Variants in ZNF382 observed in about 807,000 individuals in gnomAD.
ZNF382 encodes KRAB/zinc finger suppressor protein 1.
ZNF382 carries 20 observed loss-of-function variants against 38.8 expected under a neutral mutation model. The ratio of observed to expected loss-of-function variants is 0.51; its 90% CI spans 0.36 to 0.75. The LOEUF (loss-of-function observed/expected upper bound fraction) is 0.75, where lower values mean the gene tolerates loss of function less well. ZNF382 is among the 30% of genes least tolerant of loss of function. ZNF382 has a pLI of 0.00. For synonymous variants in ZNF382, 202 were observed against 223.1 expected, an observed-to-expected ratio of 0.91 and a Z score of 0.84; for missense variants, 546 against 654.1, an observed-to-expected ratio of 0.83 and a Z score of 1.80.
Position 36,626,136 on chromosome 19 carries a change from A to T in ZNF382, c.239A>T (p.Asp80Val), listed in dbSNP as rs757400244. The T allele has an allele frequency of 1.0e-5, 16 of 1,537,708 alleles. No individual in the cohort carries two copies. In the South Asian group the frequency reaches 2.0e-4, roughly 19 times the overall value. Residue 80 changes from aspartate (D) to valine (V), a missense_variant, in exon 5 of 5, where the codon GAT becomes GTT. Physicochemically the swap from Asp to Val is radical, Grantham distance 152. Transcript: ENST00000292928. The stretch of plus-strand genomic sequence containing the variant: ...TAATGGTATTCTTTTCTAGAAGAAG[A>T]TGGGAAAACTGAAGATGTCTTAGTG... ...IFPSYSYLEE[D>V]GKTEDVLVKF...
At chr19:36,612,873 C>A (rs1040528843) in intron 4 of ZNF382, among the ~76,000 whole-genome samples, 8 of 152,184 alleles carry the variant, frequency 5.3e-5, no homozygotes, top group Non-Finnish European at 1.2e-4. Flanking sequence ...CTCACTGCAA[C>A]CTATGCCTCC....
In ZNF382 at chr19:36,612,060, T is replaced by C. The variant is rs140276063; in HGVS notation, c.232+1318T>C. Reference sequence around the variant, plus strand: ...GTAAAGTGTAAAGTTCTTTGAATTCTGACAGAAGGATAAACCCACGTATCT... The same window carrying C: ...GTAAAGTGTAAAGTTCTTTGAATTCCGACAGAAGGATAAACCCACGTATCT... On this transcript the variant is annotated intron_variant, in intron 4 of 4. Coordinates refer to ENST00000292928, the MANE Select transcript of ZNF382 (RefSeq NM_032825.5). 4.5e-3 allele frequency among the ~76,000 whole-genome samples: 693 copies of C among 152,336 alleles called. 7 individuals carry two copies. The highest frequency in any genetic ancestry group is 0.017 in the Middle Eastern group (5 of 294).
Position 36,607,631 on chromosome 19 carries a change from A to T in ZNF382, c.-14+9A>T, listed in dbSNP as rs1030439306. On this transcript the variant is annotated intron_variant, in intron 2 of 4. Transcript: ENST00000292928. ...TCAAAGCCATGTCTCAGGTGAGATG[A>T]TGTTTCCTCTCTTTCTGAAATAACT... The T allele has an allele frequency of 2.8e-5, 43 of 1,520,852 alleles. No individual in the cohort carries two copies. In the African/African-American group the frequency reaches 5.9e-4, roughly 21 times the overall value. The allele number at this position is 1,520,852 out of a possible 1,614,324, so 94.2% of individuals were successfully genotyped here.
At chr19:36,612,771 T>C (rs951641496) in intron 4 of ZNF382, among the ~76,000 whole-genome samples, 2 of 152,006 alleles carry the variant, frequency 1.3e-5, no homozygotes, top group South Asian at 2.1e-4. Context: ...TCAAGTGTTT[T>C]GTTTGTTTCT....
chr19:36,609,815 CAT>C lies in ZNF382; in HGVS notation c.-13-85_-13-84del, dbSNP rs2037062793. 6 of 1,257,370 alleles carry C rather than the reference CAT, an allele frequency of 4.8e-6. No individual in the cohort carries two copies. The South Asian group carries it at 7.0e-5, about 15-fold the overall frequency. The allele number at this position is 1,257,370 out of a possible 1,614,324, so 77.9% of individuals were successfully genotyped here. A position where few individuals can be genotyped will look rare whatever the true frequency, so the allele number is the denominator to read the frequency against. ...AGAGAGAATTTTATGCAATATAAAACATAAATAAGGAAACTAGTCTGACCAGT... is the reference window on the plus strand; with the variant it reads ...AGAGAGAATTTTATGCAATATAAAACAAATAAGGAAACTAGTCTGACCAGT... On this transcript the variant is annotated intron_variant, in intron 2 of 4. Transcript: ENST00000292928.
At chr19:36,607,151 TG>T (rs1294132436) in intron 1 of ZNF382, among the ~76,000 whole-genome samples, 1 of 151,798 alleles carries the variant, frequency 6.6e-6, no homozygotes, top group Non-Finnish European at 1.5e-5. Context: ...AGTTGTCAAC[TG>T]TCTTCATCAG....
In ZNF382 at chr19:36,629,550, T is replaced by C. The variant is rs1422566065; in HGVS notation, c.*2000T>C. ...CAGGCTTTTTAACTACAAACAGTTT[T>C]ATTTTTTATTTAATAAAAAAGTTTT... On this transcript the variant is annotated 3_prime_UTR_variant, in exon 5 of 5. Coordinates refer to ENST00000292928, the MANE Select transcript of ZNF382 (RefSeq NM_032825.5). 1 of 152,254 alleles carries C rather than the reference T, an allele frequency of 6.6e-6. No homozygotes were observed. Among genetic ancestry groups the C allele is most frequent in the African/African-American group, 2.4e-5 (1 of 41,478 alleles). The allele number at this position is 152,254 out of a possible 1,614,324, so 9.4% of individuals were successfully genotyped here.
intron 4 of ZNF382, among the ~76,000 whole-genome samples, chr19:36,625,055 G>A (rs1470706472): frequency 8.0e-6 from 1 of 125,346 alleles, no homozygotes; most frequent in African/African-American, 2.9e-5. Context: ...GGGACAGAGC[G>A]AGACCCTTTC....
intron 4 of ZNF382, among the ~76,000 whole-genome samples, chr19:36,617,762 T>C (rs2037136761): frequency 1.3e-5 from 2 of 152,068 alleles, no homozygotes; most frequent in Admixed American, 6.5e-5. Flanking sequence ...GGATTCCTAC[T>C]GAAAGCAGGT....
intron 4 of ZNF382, 132 bp from the exon 5 acceptor site, chr19:36,625,998 C>T: frequency 1.8e-6 from 1 of 553,980 alleles, no homozygotes; most frequent in East Asian, 3.4e-5. Context: ...ATTTTCCCTA[C>T]CAAGAGGTAA....
rs932738776 is a variant in ZNF382, at chr19:36,628,620, C to A, written c.*1070C>A. 3 of 152,602 alleles carry A rather than the reference C, an allele frequency of 2.0e-5. No homozygotes were observed. The highest frequency in any genetic ancestry group is 2.4e-5 in the African/African-American group (1 of 41,438). 9.5% of individuals were successfully genotyped at this position (152,602 alleles called of 1,614,324 possible). A position where few individuals can be genotyped will look rare whatever the true frequency, so the allele number is the denominator to read the frequency against. ...CCACAGTAAATGCCTTATTTGAACTCAAAAAGTCTACTAGAGGAGAGGCAT... is the reference window on the plus strand; with the variant it reads ...CCACAGTAAATGCCTTATTTGAACTAAAAAAGTCTACTAGAGGAGAGGCAT... On this transcript the variant is annotated 3_prime_UTR_variant, in exon 5 of 5. Transcript: ENST00000292928.
intron 1 of ZNF382, 106 bp from the exon 2 acceptor site, chr19:36,607,446 A>C (rs2037043722): frequency 2.9e-6 from 2 of 683,240 alleles, no homozygotes; most frequent in Non-Finnish European, 5.0e-6. Flanking sequence ...AGGGTGGACA[A>C]GTGCTGAAAT....
At chr19:36,621,548 G>A (rs2037170707) in intron 4 of ZNF382, among the ~76,000 whole-genome samples, 2 of 150,886 alleles carry the variant, frequency 1.3e-5, no homozygotes, top group Non-Finnish European at 2.9e-5. Flanking sequence ...CGAATTCATG[G>A]CTTCCACATC....
chr19:36,622,946 A>G (rs542501547), intron 4 of ZNF382, among the ~76,000 whole-genome samples: 1 of 152,266 alleles, frequency 6.6e-6, no homozygotes, highest in African/African-American at 2.4e-5. Context: ...TCTGTTTTTT[A>G]TGCATTCCAT....
In ZNF382 at chr19:36,626,121, C is replaced by A. The variant is rs1472299049; in HGVS notation, c.233-9C>A. On this transcript the variant is annotated splice_polypyrimidine_tract_variant and intron_variant, in intron 4 of 4. Transcript: ENST00000292928. ...GAAGACTCACAGTGTTAATGGTATTCTTTTCTAGAAGAAGATGGGAAAACT... is the reference window on the plus strand; with the variant it reads ...GAAGACTCACAGTGTTAATGGTATTATTTTCTAGAAGAAGATGGGAAAACT... The A allele has an allele frequency of 1.3e-5, 20 of 1,528,784 alleles. No individual in the cohort carries two copies. Among genetic ancestry groups the A allele is most frequent in the Non-Finnish European group, 1.7e-5 (20 of 1,144,616 alleles). 94.7% of individuals were successfully genotyped at this position (1,528,784 alleles called of 1,614,324 possible).
chr19:36,605,858 CT>C, intron 1 of ZNF382: 1 of 152,716 alleles, frequency 6.5e-6, no homozygotes, highest in Non-Finnish European at 1.5e-5. Context: ...TTGAGACTGC[CT>C]TTGAGTGTGG....
Position 36,631,070 on chromosome 19 carries a change from C to A in ZNF382, c.*3520C>A, listed in dbSNP as rs3108606. ...AAAATGCTGGGGTTACAGGTGTGAG[C>A]CACTTCACTCACTTTAGAGATTTTC... is the stretch of plus-strand genomic sequence containing the variant. On this transcript the variant is annotated 3_prime_UTR_variant, in exon 5 of 5. Transcript: ENST00000292928. 20 of 152,226 alleles carry A rather than the reference C, an allele frequency of 1.3e-4. No individual in the cohort carries two copies. Among genetic ancestry groups the A allele is most frequent in the African/African-American group, 4.6e-4 (19 of 41,544 alleles). The allele number at this position is 152,226 out of a possible 1,614,324, so 9.4% of individuals were successfully genotyped here.
In ZNF382 at chr19:36,626,231, G is replaced by A. The variant is rs1198004097; in HGVS notation, c.334G>A (p.Glu112Lys). ...CATCAACCACAAAAAACTAATTAAG[G>A]AGAGAAGTAATATTTATGGTAAAAC... is the stretch of plus-strand genomic sequence containing the variant. ...IFINHKKLIK[E>K]RSNIYGKTFT... Residue 112 changes from glutamate (E) to lysine (K), a missense_variant, in exon 5 of 5, where the codon GAG becomes AAG. Coordinates refer to ENST00000292928, the MANE Select transcript of ZNF382 (RefSeq NM_032825.5). 4 of 1,606,746 alleles carry A rather than the reference G, an allele frequency of 2.5e-6. No homozygotes were observed. The Admixed American group carries it at 5.2e-5, about 21-fold the overall frequency.
At position 36,626,001 on chromosome 19, in the gene ZNF382, A is replaced by C. The variant is rs529743623; in HGVS notation, c.233-129A>C. On this transcript the variant is annotated intron_variant, in intron 4 of 4. Transcript: ENST00000292928. ...TTATGTTTATACATTTTCCCTACCAAGAGGTAATTTATTCTGGCCTTTTTG... is the reference window on the plus strand; with the variant it reads ...TTATGTTTATACATTTTCCCTACCACGAGGTAATTTATTCTGGCCTTTTTG... 1.7e-4 allele frequency: 98 copies of C among 561,524 alleles called. 1 individual carries two copies. The highest frequency in any genetic ancestry group is 1.0e-3 in the Middle Eastern group (2 of 2,008). The allele number at this position is 561,524 out of a possible 1,614,324, so 34.8% of individuals were successfully genotyped here. A position where few individuals can be genotyped will look rare whatever the true frequency, so the allele number is the denominator to read the frequency against.
Sources: allele counts gnomAD v4.1 joint callset (sites outside exome capture counted in the v4.1 genomes callset), GRCh38; gene constraint gnomAD v4.1.1; transcripts MANE v1.5; gene names NCBI Gene and HGNC (gene_info 2026-07-23, HGNC 2026-07-21).